Variants in TDRKH observed in about 807,000 individuals in gnomAD.
TDRKH encodes tudor and KH domain-containing protein.
TDRKH carries 28 observed loss-of-function variants against 61.3 expected under a neutral mutation model. The observed-to-expected ratio is 0.46, with a 90% CI of 0.34 to 0.63. TDRKH has a LOEUF of 0.63. Among genes scored for constraint, TDRKH ranks in the 20% least tolerant of loss-of-function variants. The pLI is 0.01. For missense variants in TDRKH, 540 were observed against 683.4 expected (o/e 0.79, Z 2.34); for synonymous variants, 219 against 244.4 (o/e 0.90, Z 0.97).
downstream of TDRKH, chr1:151,771,385 T>TATAC (rs1219762395): frequency 5.1e-6 from 7 of 1,376,292 alleles, no homozygotes; most frequent in Non-Finnish European, 6.6e-6. Context: ...TGGAGTGGGA[T>TATAC]ATACACCTTA....
In TDRKH at chr1:151,773,621, A is replaced by G. The variant is rs1648879077; in HGVS notation, c.*831T>C. The G allele has an allele frequency of 6.6e-6, 1 of 152,312 alleles. No homozygotes were observed. The highest frequency in any genetic ancestry group is 2.4e-5 in the African/African-American group (1 of 41,424). The allele number at this position is 152,312 out of a possible 1,614,324, so 9.4% of individuals were successfully genotyped here. The stretch of plus-strand genomic sequence containing the variant: ...AGATATTATACTAGCAATTTAGAAA[A>G]TTTCCTGAGCCTCCTGTCTCCTTTC... On this transcript the variant is annotated 3_prime_UTR_variant, in exon 13 of 13. Transcript: ENST00000368824.
intron 1 of TDRKH, 130 bp from the exon 2 acceptor site, chr1:151,783,179 A>G: frequency 1.4e-6 from 1 of 717,308 alleles, no homozygotes; most frequent in Non-Finnish European, 2.0e-6. Context: ...GAGCTTCAGC[A>G]ATTTCAAAAT....
chr1:151,780,272 C>T (rs943664789), intron 3 of TDRKH, 132 bp from the exon 4 acceptor site: 2 of 264,894 alleles, frequency 7.6e-6, no homozygotes, highest in Non-Finnish European at 1.4e-5. Flanking sequence ...ATCTATACAA[C>T]CAGTCCTCAA....
At chr1:151,784,467 C>T (rs1650132028) in intron 1 of TDRKH, among the ~76,000 whole-genome samples, 1 of 152,212 alleles carries the variant, frequency 6.6e-6, no homozygotes, top group East Asian at 1.9e-4. Context: ...ATCAGAGTCA[C>T]CAATGATTTC....
intron 6 of TDRKH, 82 bp from the exon 7 acceptor site, chr1:151,776,681 A>G (rs1649217047): frequency 6.7e-7 from 1 of 1,495,936 alleles, no homozygotes; most frequent in Non-Finnish European, 9.1e-7. Flanking sequence ...AGTGAGAGGT[A>G]CAAATACCAA....
At chr1:151,766,785 C>T (rs1362712254), downstream of TDRKH, 49 of 1,580,540 alleles carry the variant, frequency 3.1e-5, no homozygotes, top group Non-Finnish European at 3.9e-5. Flanking sequence ...GGGAAAAACA[C>T]GTAACTACCT....
At chr1:151,780,232 T>C (rs577047032) in intron 3 of TDRKH, 92 bp from the exon 4 acceptor site, 95 of 1,355,120 alleles carry the variant, frequency 7.0e-5, no homozygotes, top group East Asian at 3.3e-4. Context: ...TGGAGGTAGA[T>C]AGAATTAGCC....
chr1:151,766,708 A>G (rs1037701661), downstream of TDRKH: 1 of 1,551,524 alleles, frequency 6.4e-7, no homozygotes, highest in Admixed American at 2.0e-5. Flanking sequence ...ACAGGGAGGC[A>G]CTGAACTGAA....
chr1:151,782,920 G>T lies in TDRKH; in HGVS notation c.103C>A (p.Arg35Ser). 1 of 1,611,398 alleles carries T rather than the reference G, an allele frequency of 6.2e-7. No individual in the cohort carries two copies. The highest frequency in any genetic ancestry group is 8.5e-7 in the Non-Finnish European group (1 of 1,178,876). Reference sequence around the variant, plus strand: ...GTACCTCTGCTTTCCCTATACCTGCGGTATAGGATATAGGCAACTGTTGCA... The same window carrying T: ...GTACCTCTGCTTTCCCTATACCTGCTGTATAGGATATAGGCAACTGTTGCA... ...ASATVAYILYRRYRESREERL... is the reference protein window; with the variant it reads ...ASATVAYILYSRYRESREERL... Residue 35 changes from arginine to serine, a missense_variant, in exon 2 of 13, where the codon CGC becomes AGC. Coordinates refer to ENST00000368824, the MANE Select transcript of TDRKH (RefSeq NM_001083965.2).
intron 3 of TDRKH, among the ~76,000 whole-genome samples, chr1:151,780,711 G>A (rs1276201168): frequency 6.6e-6 from 1 of 152,002 alleles, no homozygotes; most frequent in East Asian, 1.9e-4. Context: ...TTAGCTGGGA[G>A]TGGTGGCGGG....
At chr1:151,785,124 G>A (rs1650197271) in intron 1 of TDRKH, among the ~76,000 whole-genome samples, 1 of 151,952 alleles carries the variant, frequency 6.6e-6, no homozygotes, top group African/African-American at 2.4e-5. Context: ...TAGAGAAAGG[G>A]TTTCACCATG....
chr1:151,769,213 G>A (rs1193452781), downstream of TDRKH: 1 of 152,094 alleles, frequency 6.6e-6, no homozygotes, highest in Non-Finnish European at 1.4e-5. Context: ...CGGGCAGAGG[G>A]GCTCACTTCC....
chr1:151,778,819 A>G lies in TDRKH; in HGVS notation c.749T>C (p.Leu250Pro). 2 of 1,614,184 alleles carry G rather than the reference A, an allele frequency of 1.2e-6. No homozygotes were observed. The highest frequency in any genetic ancestry group is 1.7e-6 in the Non-Finnish European group (2 of 1,180,030). ...TCCTCCTTTGGGTGGAGGAGTCACC[A>G]GGGGTGCAGTCGGCTCCATGCTAGA... ...TSSSMEPTAP[L>P]VTPPPKGGGD... Residue 250 changes from leucine to proline, a missense_variant, in exon 6 of 13, where the codon CTG becomes CCG. By Grantham distance (98) the Leu-to-Pro change is moderately conservative. Coordinates refer to ENST00000368824, the MANE Select transcript of TDRKH (RefSeq NM_001083965.2).
intron 3 of TDRKH, 121 bp from the exon 4 acceptor site, chr1:151,780,261 T>A (rs1649622294): frequency 2.9e-6 from 1 of 343,806 alleles, no homozygotes; most frequent in Admixed American, 5.0e-5. Flanking sequence ...TAGCTAATAC[T>A]ATCTATACAA....
chr1:151,777,722 T>A (rs996609969), intron 6 of TDRKH, among the ~76,000 whole-genome samples: 2 of 146,746 alleles, frequency 1.4e-5, no homozygotes, highest in African/African-American at 5.0e-5. Context: ...ATAGTTAATT[T>A]TTTTTTTTTT....
chr1:151,772,015 T>TA (rs1332597315), downstream of TDRKH: 1 of 398,618 alleles, frequency 2.5e-6, no homozygotes, highest in Non-Finnish European at 4.4e-6. Context: ...GGAAGCTCCT[T>TA]AAAGATTCCT....
intron 9 of TDRKH, 28 bp downstream of exon 9, chr1:151,775,792 A>G: frequency 6.2e-7 from 1 of 1,606,404 alleles, no homozygotes; most frequent in Non-Finnish European, 8.5e-7. Context: ...TTTGGAGGTA[A>G]GCTCAATAGA....
chr1:151,775,648 T>C, intron 9 of TDRKH, 105 bp from the exon 10 acceptor site: 2 of 1,517,850 alleles, frequency 1.3e-6, no homozygotes, highest in Non-Finnish European at 1.8e-6. Context: ...GTGTCTTCTC[T>C]GGTTGGGTTG....
downstream of TDRKH, chr1:151,768,134 T>C: frequency 1.2e-6 from 2 of 1,613,996 alleles, no homozygotes; most frequent in Non-Finnish European, 1.7e-6. Flanking sequence ...CACTTCCGCC[T>C]TACCTCCCAG....
Sources: allele counts gnomAD v4.1 joint callset (sites outside exome capture counted in the v4.1 genomes callset), GRCh38; gene constraint gnomAD v4.1.1; transcripts MANE v1.5; gene names NCBI Gene and HGNC (gene_info 2026-07-23, HGNC 2026-07-21).